The following ALG6 variants were observed in gnomAD, a reference collection of about 807,000 sequenced individuals.
The protein encoded by ALG6 is ALG6 alpha-1,3-glucosyltransferase, also known as dolichyl pyrophosphate Man9GlcNAc2 alpha-1,3-glucosyltransferase.
Under a neutral mutation model 66.6 loss-of-function variants are expected in ALG6, and 46 were observed. That is an observed-to-expected ratio of 0.69 (90% CI 0.55 to 0.88). The LOEUF is 0.88. Ranked by LOEUF, ALG6 falls within the 40% of genes least tolerant of loss-of-function variation. ALG6 has a pLI of 0.00. For synonymous variants in ALG6, 185 were observed against 203.7 expected (o/e 0.91, Z 0.78); for missense variants, 505 against 586.8 (o/e 0.86, Z 1.44).
Position 63,369,649 on chromosome 1 carries a change from CAAATA to C in ALG6, c.-207-1110_-207-1106del, listed in dbSNP as rs538724707. ...CATCTCAAAAAAAAAGAAAAAAAAA[CAAATA>C]AAATAAAATAATTTTAGATCATTAG... On this transcript the variant is annotated intron_variant, in intron 1 of 14. Transcript: ENST00000263440. 2.6e-3 allele frequency among the ~76,000 whole-genome samples: 395 copies of C among 150,108 alleles called. 3 individuals carry two copies. The highest frequency in any genetic ancestry group is 8.5e-3 in the African/African-American group (350 of 41,026).
At position 63,438,246 on chromosome 1, in the gene ALG6, C is replaced by T. The variant is rs1479493576; in HGVS notation, c.*1226C>T. ...ACAAAGCAAAAATCTAGAAAGGTTT[C>T]TTTCTCAAAGCAAATGTGCATAAAG... On this transcript the variant is annotated 3_prime_UTR_variant, in exon 15 of 15. Transcript: ENST00000263440. The T allele has an allele frequency of 6.6e-6, 1 of 152,070 alleles. No homozygotes were observed. Among genetic ancestry groups the T allele is most frequent in the Non-Finnish European group, 1.5e-5 (1 of 68,000 alleles). 9.4% of individuals were successfully genotyped at this position (152,070 alleles called of 1,614,324 possible). A position where few individuals can be genotyped will look rare whatever the true frequency, so the allele number is the denominator to read the frequency against.
At chr1:63,409,557 A>T (rs1253257991) in intron 7 of ALG6, among the ~76,000 whole-genome samples, 1 of 152,068 alleles carries the variant, frequency 6.6e-6, no homozygotes, top group Non-Finnish European at 1.5e-5. Context: ...ATTGTTAGGT[A>T]TATTTTTAAT....
At chr1:63,421,007 C>A (rs535565388) in intron 12 of ALG6, among the ~76,000 whole-genome samples, 5 of 149,842 alleles carry the variant, frequency 3.3e-5, no homozygotes, top group Non-Finnish European at 7.4e-5. Flanking sequence ...ATATTCCAGA[C>A]AAAAATCCCT....
chr1:63,422,843 T>C (rs1285978341), intron 12 of ALG6, among the ~76,000 whole-genome samples: 3 of 151,902 alleles, frequency 2.0e-5, no homozygotes, highest in Admixed American at 2.0e-4. Flanking sequence ...TAATCCCAGC[T>C]ACTCGGGAGG....
chr1:63,372,350 G>GAT (rs1647956032), intron 2 of ALG6, among the ~76,000 whole-genome samples: 2 of 151,974 alleles, frequency 1.3e-5, no homozygotes, highest in African/African-American at 4.8e-5. Context: ...TAAGAGCTAT[G>GAT]ATATATACAC....
Position 63,389,814 on chromosome 1 carries a change from T to C in ALG6, c.83-6699T>C, listed in dbSNP as rs996262907. 3.3e-5 allele frequency among the ~76,000 whole-genome samples: 5 copies of C among 152,348 alleles called. No individual in the cohort carries two copies. The Middle Eastern group carries it at 0.014, about 415-fold the overall frequency. On this transcript the variant is annotated intron_variant, in intron 2 of 14. Transcript: ENST00000263440. ...GGGCAACCCAAGCCCAGTTACACTG[T>C]GACTCTTGCAGGCTCATAGAGGTAC...
chr1:63,395,368 A>G (rs190435136), intron 2 of ALG6, among the ~76,000 whole-genome samples: 70 of 152,288 alleles, frequency 4.6e-4, no homozygotes, highest in African/African-American at 1.7e-3. Context: ...TTTTGACCCT[A>G]TACTTGACCT....
At position 63,402,236 on chromosome 1, in the gene ALG6, T is replaced by C; in HGVS notation, c.168-18T>C. 2 of 1,468,648 alleles carry C rather than the reference T, an allele frequency of 1.4e-6. No homozygotes were observed. The highest frequency in any genetic ancestry group is 2.3e-5 in the South Asian group (2 of 88,142). 91.0% of individuals were successfully genotyped at this position (1,468,648 alleles called of 1,614,324 possible). A position where few individuals can be genotyped will look rare whatever the true frequency, so the allele number is the denominator to read the frequency against. ...ATTGATTAACGGAATGGTGCTTTCTTCTTTTTTTCTTTTTCAGGTATTTTA... is the reference window on the plus strand; with the variant it reads ...ATTGATTAACGGAATGGTGCTTTCTCCTTTTTTTCTTTTTCAGGTATTTTA... On this transcript the variant is annotated intron_variant, in intron 3 of 14. Transcript: ENST00000263440.
intron 2 of ALG6, among the ~76,000 whole-genome samples, chr1:63,389,299 G>A (rs1648597210): frequency 2.0e-5 from 3 of 152,014 alleles, no homozygotes; most frequent in Non-Finnish European, 4.4e-5. Flanking sequence ...CACTGACTGT[G>A]TATTTTCAAA....
chr1:63,429,387 A>T, intron 14 of ALG6: 1 of 349,880 alleles, frequency 2.9e-6, no homozygotes, highest in Non-Finnish European at 5.3e-6. Flanking sequence ...CTCACTCCTA[A>T]CTCCCTTCCT....
At chr1:63,428,255 CTCTTG>C (rs1644627434) in intron 12 of ALG6, 1 of 152,372 alleles carries the variant, frequency 6.6e-6, no homozygotes, top group African/African-American at 2.4e-5. Flanking sequence ...TTCCTTTATC[CTCTTG>C]TCTCTCTTGT....
At chr1:63,385,181 CTTCTTTTT>C (rs1249966467) in intron 2 of ALG6, among the ~76,000 whole-genome samples, 99 of 70,928 alleles carry the variant, frequency 1.4e-3, no homozygotes, top group African/African-American at 4.5e-3. Context: ...TCTTTTACTT[CTTCTTTTT>C]TTTTTTTTTT....
In ALG6 at chr1:63,436,858, G is replaced by A. The variant is rs767257355; in HGVS notation, c.1362G>A (p.Thr454=). The change falls in exon 15 of 15, where the codon ACG becomes ACA. Residue 454 remains threonine (T), a synonymous_variant. Coordinates refer to ENST00000263440, the MANE Select transcript of ALG6 (RefSeq NM_013339.4). ...LISVITMVLL[T]LMTVTLDPPQ... Reference sequence around the variant, plus strand: ...CAGTCATCACTATGGTGCTTCTGACGTTGATGACTGTCACACTGGATCCTC... The same window carrying A: ...CAGTCATCACTATGGTGCTTCTGACATTGATGACTGTCACACTGGATCCTC... The A allele has an allele frequency of 1.9e-5, 30 of 1,613,298 alleles. No individual in the cohort carries two copies. The highest frequency in any genetic ancestry group is 2.7e-5 in the African/African-American group (2 of 74,742).
In ALG6 at chr1:63,370,850, C is replaced by T. The variant is rs188685870; in HGVS notation, c.-128C>T. 127 of 734,206 alleles carry T rather than the reference C, an allele frequency of 1.7e-4. 1 individual carries two copies. In the East Asian group the frequency reaches 2.9e-3, roughly 17 times the overall value. 45.5% of individuals were successfully genotyped at this position (734,206 alleles called of 1,614,324 possible). A position where few individuals can be genotyped will look rare whatever the true frequency, so the allele number is the denominator to read the frequency against. On this transcript the variant is annotated 5_prime_UTR_variant, in exon 2 of 15. Transcript: ENST00000263440. ...TAAAATTCTCTCAAACTCCTAATTG[C>T]GAAGAATCGATAACATTTCAAGAAG...
At chr1:63,379,396 G>A (rs190651853) in intron 2 of ALG6, among the ~76,000 whole-genome samples, 12 of 152,234 alleles carry the variant, frequency 7.9e-5, no homozygotes, top group African/African-American at 2.9e-4. Flanking sequence ...ACTCTTTTTC[G>A]TTTTTCCTGT....
intron 12 of ALG6, among the ~76,000 whole-genome samples, chr1:63,427,004 A>C (rs1360892338): frequency 6.6e-6 from 1 of 151,990 alleles, no homozygotes; most frequent in African/African-American, 2.4e-5. Context: ...AAAGTCCTCT[A>C]GTAATTTCTT....
chr1:63,424,196 A>G (rs1274597733), intron 12 of ALG6, among the ~76,000 whole-genome samples: 1 of 152,136 alleles, frequency 6.6e-6, no homozygotes, highest in Non-Finnish European at 1.5e-5. Flanking sequence ...GCTGGAATGC[A>G]ATGGCACGGT....
intron 2 of ALG6, among the ~76,000 whole-genome samples, chr1:63,373,207 A>C (rs1647992975): frequency 6.6e-6 from 1 of 150,862 alleles, no homozygotes; most frequent in Non-Finnish European, 1.5e-5. Context: ...GGGTCTCACC[A>C]TGTTGCCCAG....
rs138528767 is a variant in ALG6 at position 63,389,951 on chromosome 1, G to A, written c.83-6562G>A. Among the ~76,000 whole-genome samples, 6 of 152,304 alleles carry A rather than the reference G, an allele frequency of 3.9e-5. No homozygotes were observed. In the East Asian group the frequency reaches 7.7e-4, roughly 20 times the overall value. On this transcript the variant is annotated intron_variant, in intron 2 of 14. Transcript: ENST00000263440. ...AAAGAAATGGAGTCTGTCTCTCCAT[G>A]TTGAGCTGATGGGAGCTGGAGGAGG... is the stretch of plus-strand genomic sequence containing the variant.
Sources: allele counts gnomAD v4.1 joint callset (sites outside exome capture counted in the v4.1 genomes callset), GRCh38; gene constraint gnomAD v4.1.1; transcripts MANE v1.5; gene names NCBI Gene and HGNC (gene_info 2026-07-23, HGNC 2026-07-21).